Variants in NOTCH4 observed in about 807,000 individuals in gnomAD.
The protein encoded by NOTCH4 is neurogenic locus notch homolog protein 4.
A neutral mutation model predicts 189.0 loss-of-function variants in NOTCH4; 138 were observed. The observed-to-expected ratio is 0.73, with a 90% CI of 0.64 to 0.84. The LOEUF (loss-of-function observed/expected upper bound fraction) is 0.84, where lower values mean the gene tolerates loss of function less well. NOTCH4 is among the 40% of genes least tolerant of loss of function. The probability of loss-of-function intolerance (pLI) is 0.00; values close to 1 mark genes in which losing one functional copy is unlikely to be tolerated. For missense variants in NOTCH4, 2,286 were observed against 2,605.4 expected, an observed-to-expected ratio of 0.88 and a Z score of 2.67; for synonymous variants, 942 against 1,032.8, an observed-to-expected ratio of 0.91 and a Z score of 1.69.
rs1232412580 is a variant in NOTCH4, at chr6:32,199,294, C to T, written c.4316-149G>A. On this transcript the variant is annotated intron_variant, in intron 23 of 29. Coordinates refer to ENST00000375023, the MANE Select transcript of NOTCH4 (RefSeq NM_004557.4). The surrounding 1 kb of genome is among the most constrained non-coding windows in gnomAD (Gnocchi z 4.9). ...TGATAATATAGATTGAGGTTGGGCA[C>T]AGTGGCTCATGCCTGTAATCCCAGC... 7 of 611,686 alleles carry T rather than the reference C, an allele frequency of 1.1e-5. No individual in the cohort carries two copies. The East Asian group carries it at 1.9e-4, about 17-fold the overall frequency. 37.9% of individuals were successfully genotyped at this position (611,686 alleles called of 1,614,324 possible). A position where few individuals can be genotyped will look rare whatever the true frequency, so the allele number is the denominator to read the frequency against.
In NOTCH4 at chr6:32,219,886, G is replaced by A. The variant is rs1789641453; in HGVS notation, c.1316-100C>T. 19 of 1,028,436 alleles carry A rather than the reference G, an allele frequency of 1.8e-5. No individual in the cohort carries two copies. The South Asian group carries it at 1.9e-4, about 10-fold the overall frequency. 63.7% of individuals were successfully genotyped at this position (1,028,436 alleles called of 1,614,324 possible). On this transcript the variant is annotated intron_variant, in intron 7 of 29. Coordinates refer to ENST00000375023, the MANE Select transcript of NOTCH4 (RefSeq NM_004557.4). ...GTGTGGGGGCCTGCGTGTGGCAGAC[G>A]AGACCAAATTGGGGAAGGGGCTTGT...
In NOTCH4 at chr6:32,223,030, G is replaced by A; in HGVS notation, c.130C>T (p.Leu44=). The change falls in exon 2 of 30, where the codon CTG becomes TTG. Residue 44 remains leucine (L), a synonymous_variant. Coordinates refer to ENST00000375023, the MANE Select transcript of NOTCH4 (RefSeq NM_004557.4). ...PCANGGTCLS[L]SLGQGTCQCA... ...TGGCAGGTCCCTTGTCCCAGAGACA[G>A]GCTCAGGCAGGTGCCTCCATTGGCA... is the stretch of plus-strand genomic sequence containing the variant. 14 of 1,613,726 alleles carry A rather than the reference G, an allele frequency of 8.7e-6. No individual in the cohort carries two copies. Among genetic ancestry groups the A allele is most frequent in the East Asian group, 2.2e-5 (1 of 44,848 alleles).
At chr6:32,209,071 G>A (rs1788861019) in intron 18 of NOTCH4, among the ~76,000 whole-genome samples, 1 of 152,144 alleles carries the variant, frequency 6.6e-6, no homozygotes. Context: ...TATTCAGCCA[G>A]AAAAAGAATG....
At chr6:32,222,834 C>T (rs1789873425) in intron 2 of NOTCH4, 28 bp from the exon 3 acceptor site, 2 of 1,605,054 alleles carry the variant, frequency 1.2e-6, no homozygotes, top group Admixed American at 3.5e-5. Context: ...GGAAAACTCA[C>T]ATCACTGGTC....
chr6:32,203,918 C>T (rs1212933056), intron 19 of NOTCH4, 36 bp from the exon 20 acceptor site: 10 of 1,517,782 alleles, frequency 6.6e-6, no homozygotes, highest in Non-Finnish European at 8.1e-6. Context: ...TCACACACTG[C>T]ATCAGTCACT....
chr6:32,196,870 C>T, intron 28 of NOTCH4, 55 bp downstream of exon 28: 2 of 1,599,962 alleles, frequency 1.3e-6, no homozygotes, highest in Non-Finnish European at 1.7e-6. Context: ...CACGCTATCT[C>T]CCACCCCATC....
Position 32,199,185 on chromosome 6 carries a change from G to A in NOTCH4, c.4316-40C>T, listed in dbSNP as rs1422442263. The A allele has an allele frequency of 1.4e-6, 2 of 1,434,714 alleles. No homozygotes were observed. The highest frequency in any genetic ancestry group is 1.9e-6 in the Non-Finnish European group (2 of 1,065,308). The allele number at this position is 1,434,714 out of a possible 1,614,324, so 88.9% of individuals were successfully genotyped here. A position where few individuals can be genotyped will look rare whatever the true frequency, so the allele number is the denominator to read the frequency against. On this transcript the variant is annotated intron_variant, in intron 23 of 29. Coordinates refer to ENST00000375023, the MANE Select transcript of NOTCH4 (RefSeq NM_004557.4). This position sits in a 1 kb window ranked among gnomAD's most constrained non-coding sequence, Gnocchi z 4.9. ...AGAGTCACAAAGAGAGGCCACTCCT[G>A]GTGAGACTGATTACTATTGGGAGAC...
chr6:32,201,156 G>A lies in NOTCH4; in HGVS notation c.4100C>T (p.Thr1367Met), dbSNP rs979783685. The A allele has an allele frequency of 6.2e-6, 10 of 1,612,602 alleles. No individual in the cohort carries two copies. The highest frequency in any genetic ancestry group is 4.5e-5 in the East Asian group (2 of 44,880). ...GTCGGTCTCCTTGCCCAGGGGCTGCGTTTGAGGGGCTGCTCTCTCCTGATA... is the reference window on the plus strand; with the variant it reads ...GTCGGTCTCCTTGCCCAGGGGCTGCATTTGAGGGGCTGCTCTCTCCTGATA... ...PTYQERAAPQ[T>M]QPLGKETDSL... The change falls in exon 22 of 30, where the codon ACG becomes ATG. Residue 1367 changes from threonine (T) to methionine (M), a missense_variant. Thr to Met is a moderately conservative substitution (Grantham distance 81). This residue lies in a region of NOTCH4 where 1,903 missense variants were observed against 2,261.9 expected (regional missense o/e 0.84). Coordinates refer to ENST00000375023, the MANE Select transcript of NOTCH4 (RefSeq NM_004557.4). The surrounding 1 kb of genome is among the most constrained non-coding windows in gnomAD (Gnocchi z 5.5).
In NOTCH4 at chr6:32,195,946, G is replaced by A; in HGVS notation, c.5503C>T (p.Arg1835Cys). The stretch of plus-strand genomic sequence containing the variant: ...GCGCGCGGGAAGGGCCCAGCCTCGC[G>A]GCCCGGCGTGGCTTTGTGACGGGCC... Reference protein sequence around the residue: ...PEARHKATPGREAGPFPRART... With the variant: ...PEARHKATPGCEAGPFPRART... Residue 1835 changes from arginine to cysteine, a missense_variant, in exon 30 of 30, where the codon CGC becomes TGC. Arg to Cys is a radical substitution (Grantham distance 180). This residue lies in a region of NOTCH4 where 383 missense variants were observed against 343.5 expected (regional missense o/e 1.11). Transcript: ENST00000375023. The surrounding 1 kb of genome is among the most constrained non-coding windows in gnomAD (Gnocchi z 5.4). The A allele has an allele frequency of 1.3e-6, 2 of 1,591,996 alleles. No homozygotes were observed. The highest frequency in any genetic ancestry group is 1.1e-5 in the South Asian group (1 of 90,076).
chr6:32,203,820 A>T lies in NOTCH4; in HGVS notation c.3181T>A (p.Cys1061Ser). 6.4e-7 allele frequency: 1 copy of T among 1,562,332 alleles called. No individual in the cohort carries two copies. Among genetic ancestry groups the T allele is most frequent in the Non-Finnish European group, 8.7e-7 (1 of 1,152,740 alleles). Residue 1061 changes from cysteine to serine, a missense_variant, in exon 20 of 30, where the codon TGT (cysteine) becomes AGT (serine). By Grantham distance (112) the Cys-to-Ser change is moderately radical. Coordinates refer to ENST00000375023, the MANE Select transcript of NOTCH4 (RefSeq NM_004557.4). Reference sequence around the variant, plus strand: ...AGGGGTGATCCTGCTGTGGCCTCACAGGTCCCTCCATGAAAGCAGGGTTGG... The same window carrying T: ...AGGGGTGATCCTGCTGTGGCCTCACTGGTCCCTCCATGAAAGCAGGGTTGG... ...HSQPCFHGGT[C>S]EATAGSPLGF...
At position 32,220,785 on chromosome 6, in the gene NOTCH4, T is replaced by C. The variant is rs1296518109; in HGVS notation, c.893A>G (p.Tyr298Cys). Residue 298 changes from tyrosine (Y) to cysteine (C), a missense_variant, in exon 5 of 30, where the codon TAC becomes TGC. This residue lies in a region of NOTCH4 where 1,903 missense variants were observed against 2,261.9 expected (regional missense o/e 0.84). Coordinates refer to ENST00000375023, the MANE Select transcript of NOTCH4 (RefSeq NM_004557.4). ...GGTCQDGLDTYTCLCPETWTG... is the reference protein window; with the variant it reads ...GGTCQDGLDTCTCLCPETWTG... The stretch of plus-strand genomic sequence containing the variant: ...CCAGGTTTCTGGGCAGAGGCAGGTG[T>C]AGGTGTCCAGCCCATCCTGGCAAGT... The C allele has an allele frequency of 3.7e-6, 6 of 1,614,008 alleles. No individual in the cohort carries two copies. In the South Asian group the frequency reaches 5.5e-5, roughly 15 times the overall value.
chr6:32,211,569 G>A (rs535638766), intron 17 of NOTCH4, among the ~76,000 whole-genome samples: 21 of 151,606 alleles, frequency 1.4e-4, no homozygotes, highest in African/African-American at 5.1e-4. Flanking sequence ...CTCCACCCTG[G>A]GTGACAGACT....
rs562060812 is a variant in NOTCH4, at chr6:32,195,679, G to A, written c.5770C>T (p.Arg1924Trp). The change falls in exon 30 of 30, where the codon CGG becomes TGG. Residue 1924 changes from arginine to tryptophan, a missense_variant. Arg to Trp is a moderately radical substitution (Grantham distance 101). This residue lies in a region of NOTCH4 where 383 missense variants were observed against 343.5 expected (regional missense o/e 1.11). Transcript: ENST00000375023. The surrounding 1 kb of genome is among the most constrained non-coding windows in gnomAD (Gnocchi z 5.4). ...CCTCGCATTATCGCAGGGTTGGGCC[G>A]AGGCCCGCGCATGCCTGCAGAAAAC... ...RRFSAGMRGPRPNPAIMRGRY... is the reference protein window; with the variant it reads ...RRFSAGMRGPWPNPAIMRGRY... The A allele has an allele frequency of 5.0e-6, 8 of 1,612,800 alleles. No individual in the cohort carries two copies. The highest frequency in any genetic ancestry group is 2.2e-5 in the South Asian group (2 of 91,068).
rs55792395 is a variant in NOTCH4, at chr6:32,211,594, AAAATAAATAAATAAATAAAT to A, written c.2681-678_2681-659del. On this transcript the variant is annotated intron_variant, in intron 17 of 29. Coordinates refer to ENST00000375023, the MANE Select transcript of NOTCH4 (RefSeq NM_004557.4). ...GGTGACAGACTGGGACTCCATCTCA[AAAATAAATAAATAAATAAAT>A]AAATAAATAAATAAATAAATAAATA... 1.9e-3 allele frequency among the ~76,000 whole-genome samples: 266 copies of A among 137,254 alleles called. 1 individual carries two copies. Among genetic ancestry groups the A allele is most frequent in the Non-Finnish European group, 3.6e-3 (234 of 64,412 alleles). 90.0% of individuals were successfully genotyped at this position (137,254 alleles called of 152,430 possible). A position where few individuals can be genotyped will look rare whatever the true frequency, so the allele number is the denominator to read the frequency against.
chr6:32,204,042 G>T, intron 19 of NOTCH4, 95 bp downstream of exon 19: 1 of 1,534,904 alleles, frequency 6.5e-7, no homozygotes, highest in Non-Finnish European at 8.8e-7. Context: ...GATGGACCAG[G>T]TGACGGCTGC....
Position 32,223,980 on chromosome 6 carries a change from C to T in NOTCH4, c.-52G>A, listed in dbSNP as rs184558078. Reference sequence around the variant, plus strand: ...TCCCTGTCCCTCTTCAGGCAGGGACCCTCAGAGCTCTCACTGGGGCAGGAG... The same window carrying T: ...TCCCTGTCCCTCTTCAGGCAGGGACTCTCAGAGCTCTCACTGGGGCAGGAG... On this transcript the variant is annotated 5_prime_UTR_variant, in exon 1 of 30. Transcript: ENST00000375023. 1 of 1,535,638 alleles carries T rather than the reference C, an allele frequency of 6.5e-7. No individual in the cohort carries two copies. Among genetic ancestry groups the T allele is most frequent in the Non-Finnish European group, 8.7e-7 (1 of 1,146,970 alleles).
At position 32,212,562 on chromosome 6, in the gene NOTCH4, G is replaced by C. The variant is rs1789090554; in HGVS notation, c.2592C>G (p.Pro864=). 6.2e-7 allele frequency: 1 copy of C among 1,613,246 alleles called. No individual in the cohort carries two copies. The part of the protein sequence containing the change: ...PRNSHCLQTG[P]SFHCLCLQGW... ...CCTGGAGGCACAAGCAGTGGAAGGA[G>C]GGCCCAGTCTGGAGGCAGTGGGAAT... is the stretch of plus-strand genomic sequence containing the variant. The change falls in exon 17 of 30, where the codon CCC becomes CCG. Residue 864 remains proline, a synonymous_variant. Coordinates refer to ENST00000375023, the MANE Select transcript of NOTCH4 (RefSeq NM_004557.4). This position sits in a 1 kb window ranked among gnomAD's most constrained non-coding sequence, Gnocchi z 4.4.
chr6:32,195,904 T>G lies in NOTCH4; in HGVS notation c.5545A>C (p.Ser1849Arg), dbSNP rs1330266243. The G allele has an allele frequency of 6.3e-7, 1 of 1,587,752 alleles. No individual in the cohort carries two copies. Among genetic ancestry groups the G allele is most frequent in the Non-Finnish European group, 8.5e-7 (1 of 1,174,606 alleles). ...GCCCCGCCCCCATGCGGGGGCACGC[T>G]TACTGACACCGTCCGTGCGCGCGGG... Reference protein sequence around the residue: ...PFPRARTVSVSVPPHGGGALP... With the variant: ...PFPRARTVSVRVPPHGGGALP... The change falls in exon 30 of 30, where the codon AGC (serine) becomes CGC (arginine). Residue 1849 changes from serine to arginine, a missense_variant. By Grantham distance (110) the Ser-to-Arg change is moderately radical. Around this residue, in one of 2 missense-constraint regions of NOTCH4, gnomAD observed 383 missense variants for 343.5 expected, o/e 1.11. Transcript: ENST00000375023. This position sits in a 1 kb window ranked among gnomAD's most constrained non-coding sequence, Gnocchi z 5.4.
At position 32,217,697 on chromosome 6, in the gene NOTCH4, A is replaced by G. The variant is rs1296442510; in HGVS notation, c.1624+298T>C. On this transcript the variant is annotated intron_variant, in intron 9 of 29. Coordinates refer to ENST00000375023, the MANE Select transcript of NOTCH4 (RefSeq NM_004557.4). This position sits in a 1 kb window ranked among gnomAD's most constrained non-coding sequence, Gnocchi z 4.2. ...GCTTGGGGCAGCTTTTGCTGGGTTT[A>G]TGATGAGAGTGCCAAGACCAGCCTG... 1.3e-5 allele frequency among the ~76,000 whole-genome samples: 2 copies of G among 152,188 alleles called. No homozygotes were observed. The highest frequency in any genetic ancestry group is 2.1e-4 in the South Asian group (1 of 4,832).
Sources: gnomAD v4.1 joint callset for allele counts (sites outside exome capture counted in the v4.1 genomes callset) on GRCh38, gnomAD v4.1.1 for gene constraint, gnomAD v4.1.1 regional missense constraint, Gnocchi (gnomAD v3.1) non-coding constraint, MANE v1.5 for transcripts, NCBI Gene and HGNC (gene_info 2026-07-23, HGNC 2026-07-21) for gene names.